The following AMT variants were observed in gnomAD, a reference collection of about 807,000 sequenced individuals.
AMT encodes the protein aminomethyltransferase.
AMT carries 24 observed loss-of-function variants against 39.5 expected under a neutral mutation model. The ratio of observed to expected loss-of-function variants is 0.61; its 90% CI spans 0.44 to 0.86. The LOEUF is 0.86. Among genes scored for constraint, AMT ranks in the 40% least tolerant of loss-of-function variants. The pLI is 0.00. For missense variants in AMT, 501 were observed against 537.0 expected, an observed-to-expected ratio of 0.93 and a Z score of 0.66; for synonymous variants, 210 against 212.1, an observed-to-expected ratio of 0.99 and a Z score of 0.09.
At chr3:49,421,977 A>C in intron 2 of AMT, 127 bp downstream of exon 2, 1 of 1,363,400 alleles carries the variant, frequency 7.3e-7, no homozygotes, top group Non-Finnish European at 1.0e-6. Context: ...TGACACCCCC[A>C]TGACCTCTAG....
chr3:49,421,405 C>T, intron 3 of AMT, 87 bp downstream of exon 3: 1 of 1,040,302 alleles, frequency 9.6e-7, no homozygotes, highest in Non-Finnish European at 1.5e-6. Context: ...TGACTCATCT[C>T]TGTGCCCCTA....
At chr3:49,421,429 G>A (rs986591218) in intron 3 of AMT, 63 bp downstream of exon 3, 2 of 1,337,316 alleles carry the variant, frequency 1.5e-6, no homozygotes, top group Non-Finnish European at 2.2e-6. Flanking sequence ...CTGAGGTAGG[G>A]ACTCAGCCCA....
At chr3:49,419,476 C>G in intron 5 of AMT, 71 bp from the exon 6 acceptor site, 1 of 1,585,892 alleles carries the variant, frequency 6.3e-7, no homozygotes, top group Non-Finnish European at 8.6e-7. Context: ...AAGCCTTATT[C>G]AGGGACCAGA....
Position 49,422,240 on chromosome 3 carries a change from A to C in AMT, c.122T>G (p.Phe41Cys), listed in dbSNP as rs1559530592. 6.2e-7 allele frequency: 1 copy of C among 1,614,036 alleles called. No homozygotes were observed. The highest frequency in any genetic ancestry group is 2.2e-5 in the East Asian group (1 of 44,878). ...EVLRRTPLYD[F>C]HLAHGGKMVA... ...CATTTTCCCGCCGTGGGCCAGGTGG[A>C]AGTCATAGAGCGGTGTCCTGCGGAG... is the stretch of plus-strand genomic sequence containing the variant. The change falls in exon 2 of 9, where the codon TTC (phenylalanine) becomes TGC (cysteine). Residue 41 changes from phenylalanine to cysteine, a missense_variant. Physicochemically the swap from Phe to Cys is radical, Grantham distance 205. Coordinates refer to ENST00000273588, the MANE Select transcript of AMT (RefSeq NM_000481.4).
Position 49,416,783 on chromosome 3 carries a change from AG to A in AMT, c.*756del, listed in dbSNP as rs1413318402. On this transcript the variant is annotated 3_prime_UTR_variant, in exon 9 of 9. Transcript: ENST00000273588. ...AGAACAATGAAGCTAGAGACTGGCA[AG>A]TAAGAAGGAAGTTTAATTTTTTTTT... 12 of 450,094 alleles carry A rather than the reference AG, an allele frequency of 2.7e-5. No individual in the cohort carries two copies. Among genetic ancestry groups the A allele is most frequent in the African/African-American group, 1.6e-4 (8 of 49,878 alleles). 27.9% of individuals were successfully genotyped at this position (450,094 alleles called of 1,614,324 possible). A position where few individuals can be genotyped will look rare whatever the true frequency, so the allele number is the denominator to read the frequency against.
At position 49,419,413 on chromosome 3, in the gene AMT, C is replaced by G. The variant is rs1198266542; in HGVS notation, c.551-8G>C. 2.5e-6 allele frequency: 4 copies of G among 1,613,250 alleles called. No individual in the cohort carries two copies. The highest frequency in any genetic ancestry group is 1.7e-6 in the Non-Finnish European group (2 of 1,179,780). On this transcript the variant is annotated splice_region_variant and splice_polypyrimidine_tract_variant and intron_variant, in intron 5 of 8. Coordinates refer to ENST00000273588, the MANE Select transcript of AMT (RefSeq NM_000481.4). Reference sequence around the variant, plus strand: ...CCTGGGCTGCAGTGGGGCCTGGGCCCAGGGAGCCAGTGACCAAGTATCCAG... The same window carrying G: ...CCTGGGCTGCAGTGGGGCCTGGGCCGAGGGAGCCAGTGACCAAGTATCCAG...
At chr3:49,422,060 G>A (rs1038905279) in intron 2 of AMT, 44 bp downstream of exon 2, 1 of 1,612,248 alleles carries the variant, frequency 6.2e-7, no homozygotes, top group Non-Finnish European at 8.5e-7. Context: ...CTGTAAACAG[G>A]GAGGAAGGCC....
In AMT at chr3:49,417,116, C is replaced by T. The variant is rs746995778; in HGVS notation, c.*424G>A. On this transcript the variant is annotated 3_prime_UTR_variant, in exon 9 of 9. Transcript: ENST00000273588. ...CGGAAAGCAAACTGGAGGGGGTAGC[C>T]TAAGTCCGCACTGCCCATGTTATTA... is the stretch of plus-strand genomic sequence containing the variant. 1 of 768,598 alleles carries T rather than the reference C, an allele frequency of 1.3e-6. No individual in the cohort carries two copies. The highest frequency in any genetic ancestry group is 1.5e-5 in the South Asian group (1 of 68,226). The allele number at this position is 768,598 out of a possible 1,614,324, so 47.6% of individuals were successfully genotyped here.
intron 2 of AMT, chr3:49,421,802 C>T: frequency 1.5e-6 from 1 of 667,596 alleles, no homozygotes; most frequent in Non-Finnish European, 2.7e-6. Context: ...TAGCACCTTC[C>T]TGAAATAACC....
rs768343793 is a variant in AMT, at chr3:49,422,473, C to A, written c.-23G>T. 48 of 1,609,624 alleles carry A rather than the reference C, an allele frequency of 3.0e-5. No individual in the cohort carries two copies. In the South Asian group the frequency reaches 5.1e-4, roughly 17 times the overall value. Reference sequence around the variant, plus strand: ...CATCGTCGCCTGCAACGAGTGCAGACGGCGCACAGAGGCCACCACACTGCC... The same window carrying A: ...CATCGTCGCCTGCAACGAGTGCAGAAGGCGCACAGAGGCCACCACACTGCC... On this transcript the variant is annotated 5_prime_UTR_variant, in exon 1 of 9. Coordinates refer to ENST00000273588, the MANE Select transcript of AMT (RefSeq NM_000481.4).
In AMT at chr3:49,422,389, G is replaced by C. The variant is rs756101487; in HGVS notation, c.62C>G (p.Ala21Gly). The C allele has an allele frequency of 2.6e-5, 42 of 1,613,786 alleles. No homozygotes were observed. Among genetic ancestry groups the C allele is most frequent in the Non-Finnish European group, 3.4e-5 (40 of 1,180,032 alleles). ...TGCGCAACTAAGTGGACGACACAAG[G>C]CCGGGGGGAATGCCTGCAGGCGAAA... Reference protein sequence around the residue: ...LGFRLQAFPPALCRPLSCAQE... With the variant: ...LGFRLQAFPPGLCRPLSCAQE... Residue 21 changes from alanine to glycine, a missense_variant, in exon 1 of 9, where the codon GCC (alanine) becomes GGC (glycine). By Grantham distance (60) the Ala-to-Gly change is moderately conservative. Coordinates refer to ENST00000273588, the MANE Select transcript of AMT (RefSeq NM_000481.4).
chr3:49,418,890 G>T, intron 7 of AMT, 81 bp downstream of exon 7: 3 of 1,469,828 alleles, frequency 2.0e-6, no homozygotes, highest in South Asian at 1.1e-5. Flanking sequence ...CATAACCTTT[G>T]GATGAGTCAT....
chr3:49,421,133 G>T, intron 3 of AMT: 1 of 324,114 alleles, frequency 3.1e-6, no homozygotes, highest in Non-Finnish European at 6.0e-6. Context: ...TCGAACTCCT[G>T]ACCTCAGGTG....
At chr3:49,417,754 C>T (rs373269572) in intron 8 of AMT, 36 bp from the exon 9 acceptor site, 3 of 1,613,916 alleles carry the variant, frequency 1.9e-6, no homozygotes, top group African/African-American at 2.7e-5. Flanking sequence ...TCAGCACCAC[C>T]CTGCCAGTGC....
chr3:49,417,012 C>T lies in AMT; in HGVS notation c.*528G>A. On this transcript the variant is annotated 3_prime_UTR_variant, in exon 9 of 9. Transcript: ENST00000273588. ...GAGTCTATGTTCCCTCAGCCATCCC[C>T]AAGTTTACACACAGGCATAGCAGCC... 1.9e-6 allele frequency: 1 copy of T among 526,402 alleles called. No individual in the cohort carries two copies. Among genetic ancestry groups the T allele is most frequent in the Admixed American group, 2.2e-5 (1 of 44,496 alleles). The allele number at this position is 526,402 out of a possible 1,614,324, so 32.6% of individuals were successfully genotyped here. A position where few individuals can be genotyped will look rare whatever the true frequency, so the allele number is the denominator to read the frequency against.
chr3:49,419,179 G>A (rs2049054971), intron 6 of AMT, 28 bp from the exon 7 acceptor site: 1 of 1,612,870 alleles, frequency 6.2e-7, no homozygotes, highest in East Asian at 2.2e-5. Context: ...GGGCAGATGG[G>A]AAGCTCCCTG....
At chr3:49,420,093 C>T in intron 4 of AMT, 118 bp downstream of exon 4, 1 of 1,338,584 alleles carries the variant, frequency 7.5e-7, no homozygotes, top group Non-Finnish European at 1.1e-6. Flanking sequence ...CATAGCTGTT[C>T]ATTCACTGAA....
At chr3:49,418,062 C>G in intron 7 of AMT, 89 bp from the exon 8 acceptor site, 1 of 1,493,008 alleles carries the variant, frequency 6.7e-7, no homozygotes, top group Non-Finnish European at 9.0e-7. Context: ...AACACACTAT[C>G]TAGCATCAAG....
intron 2 of AMT, chr3:49,421,794 G>C: frequency 1.5e-6 from 1 of 667,926 alleles, no homozygotes; most frequent in South Asian, 1.7e-5. Flanking sequence ...ACAGGACCTA[G>C]CACCTTCCTG....
Sources: gnomAD v4.1 joint callset for allele counts on GRCh38, gnomAD v4.1.1 for gene constraint, MANE v1.5 for transcripts, NCBI Gene and HGNC (gene_info 2026-07-23, HGNC 2026-07-21) for gene names.